The following CDC34 variants were observed in gnomAD, a reference collection of about 807,000 sequenced individuals.
The protein encoded by CDC34 is cell division cycle 34, ubiquitin conjugating enzyme, also known as ubiquitin-conjugating enzyme E2 R1.
Under a neutral mutation model 26.8 loss-of-function variants are expected in CDC34, and 18 were observed. The ratio of observed to expected loss-of-function variants is 0.67; its 90% CI spans 0.47 to 1.00. The LOEUF (loss-of-function observed/expected upper bound fraction) is 1.00, where lower values mean the gene tolerates loss of function less well. CDC34 is among the 50% of genes least tolerant of loss of function. The pLI is 0.00. For synonymous variants in CDC34, 178 were observed against 147.5 expected (o/e 1.21, Z -1.50); for missense variants, 280 against 334.5 (o/e 0.84, Z 1.27).
At chr19:536,957 G>A in intron 3 of CDC34, 56 bp from the exon 4 acceptor site, 3 of 1,609,196 alleles carry the variant, frequency 1.9e-6, no homozygotes, top group Non-Finnish European at 2.5e-6. Context: ...GGCCAGAGAA[G>A]AGCCGGAAGG....
chr19:531,998 G>A lies in CDC34; in HGVS notation c.67G>A (p.Glu23Lys), dbSNP rs1425868708. Residue 23 changes from glutamate to lysine, a missense_variant, in exon 1 of 5, where the codon GAG (glutamate) becomes AAG (lysine). Coordinates refer to ENST00000215574, the MANE Select transcript of CDC34 (RefSeq NM_004359.2). The stretch of plus-strand genomic sequence containing the variant: ...GCTGGAGCTCAAGGGGCTGCAGGAA[G>A]AGCCGGTCGAGGGATTCCGCGTGAC... Reference protein sequence around the residue: ...LLLELKGLQEEPVEGFRVTLV... With the variant: ...LLLELKGLQEKPVEGFRVTLV... The A allele has an allele frequency of 5.3e-6, 8 of 1,500,194 alleles. No individual in the cohort carries two copies. The highest frequency in any genetic ancestry group is 7.1e-6 in the Non-Finnish European group (8 of 1,132,526). The allele number at this position is 1,500,194 out of a possible 1,614,324, so 92.9% of individuals were successfully genotyped here.
At chr19:538,259 T>G (rs943828349) in intron 4 of CDC34, among the ~76,000 whole-genome samples, 3 of 152,248 alleles carry the variant, frequency 2.0e-5, no homozygotes, top group African/African-American at 4.8e-5. Context: ...CTTGGCCTGG[T>G]GAGCTCTGGG....
rs1568330359 is a variant in CDC34 at position 536,235 on chromosome 19, T to C, written c.265-8T>C. On this transcript the variant is annotated splice_polypyrimidine_tract_variant and splice_region_variant and intron_variant, in intron 2 of 4. Coordinates refer to ENST00000215574, the MANE Select transcript of CDC34 (RefSeq NM_004359.2). ...TGACCTGTTCTGACCTGTCTTCTTC[T>C]TGTGCAGACGGGGGACGTGTGTATC... 2.5e-6 allele frequency: 4 copies of C among 1,600,562 alleles called. No homozygotes were observed. Among genetic ancestry groups the C allele is most frequent in the Non-Finnish European group, 3.4e-6 (4 of 1,173,636 alleles).
chr19:536,955 A>T (rs574803051), intron 3 of CDC34, 58 bp from the exon 4 acceptor site: 2 of 1,608,448 alleles, frequency 1.2e-6, no homozygotes, highest in South Asian at 2.2e-5. Context: ...AGGGCCAGAG[A>T]AGAGCCGGAA....
At chr19:534,680 C>CT (rs551566109) in intron 1 of CDC34, among the ~76,000 whole-genome samples, 365 of 12,492 alleles carry the variant, frequency 0.029, 38 homozygotes, top group East Asian at 0.094. Context: ...CCAAGACCCC[C>CT]GAGTGCCCTC....
Position 531,984 on chromosome 19 carries a change from A to AG in CDC34, c.57dup (p.Leu20AlafsTer66). 2 of 1,488,060 alleles carry AG rather than the reference A, an allele frequency of 1.3e-6. No individual in the cohort carries two copies. Among genetic ancestry groups the AG allele is most frequent in the Admixed American group, 2.8e-5 (1 of 35,226 alleles). 92.2% of individuals were successfully genotyped at this position (1,488,060 alleles called of 1,614,324 possible). A position where few individuals can be genotyped will look rare whatever the true frequency, so the allele number is the denominator to read the frequency against. On this transcript the variant is annotated frameshift_variant, in exon 1 of 5. Transcript: ENST00000215574. LOFTEE classifies it high-confidence loss of function. The stretch of plus-strand genomic sequence containing the variant: ...CAGAAGGCGCTGCTGCTGGAGCTCA[A>AG]GGGGCTGCAGGAAGAGCCGGTCGAG...
In CDC34 at chr19:541,379, G is replaced by A. The variant is rs1293891976; in HGVS notation, c.538G>A (p.Gly180Ser). 1.9e-6 allele frequency: 3 copies of A among 1,607,636 alleles called. No homozygotes were observed. The highest frequency in any genetic ancestry group is 2.5e-6 in the Non-Finnish European group (3 of 1,178,498). ...GACCAAGGTGGACGCGGAGCGTGACGGCGTGAAGGTGCCCACCACGCTGGC... is the reference window on the plus strand; with the variant it reads ...GACCAAGGTGGACGCGGAGCGTGACAGCGTGAAGGTGCCCACCACGCTGGC... ...LGTKVDAERD[G>S]VKVPTTLAEY... The change falls in exon 5 of 5, where the codon GGC becomes AGC. Residue 180 changes from glycine (G) to serine (S), a missense_variant. By Grantham distance (56) the Gly-to-Ser change is moderately conservative (BLOSUM62 0). Transcript: ENST00000215574.
chr19:538,905 C>T, intron 4 of CDC34: 1 of 985,280 alleles, frequency 1.0e-6, no homozygotes, highest in Non-Finnish European at 1.2e-6. Flanking sequence ...CTCGGTGGCC[C>T]CGGTCCGGTC....
chr19:536,939 A>AC (rs1979782052), intron 3 of CDC34, 74 bp from the exon 4 acceptor site: 1 of 1,585,058 alleles, frequency 6.3e-7, no homozygotes, highest in Non-Finnish European at 8.6e-7. Flanking sequence ...CGTCCCCGTG[A>AC]CCCTCAGGGC....
At chr19:535,707 C>T (rs1049448637) in intron 1 of CDC34, 130 bp from the exon 2 acceptor site, 2 of 751,512 alleles carry the variant, frequency 2.7e-6, no homozygotes, top group African/African-American at 1.7e-5. Context: ...CTGCCTTGGG[C>T]AGGATACGGT....
chr19:539,231 C>G (rs865956605), intron 4 of CDC34, among the ~76,000 whole-genome samples: 1 of 152,154 alleles, frequency 6.6e-6, no homozygotes, highest in Non-Finnish European at 1.5e-5. Context: ...CGTCCTCCAG[C>G]TCATGCTGGC....
At chr19:535,981 A>T in intron 2 of CDC34, 58 bp downstream of exon 2, 1 of 1,495,930 alleles carries the variant, frequency 6.7e-7, no homozygotes, top group Non-Finnish European at 9.3e-7. Context: ...GGGTGCTGGG[A>T]GCCTCACGTC....
chr19:533,223 G>C (rs1979578282), intron 1 of CDC34, among the ~76,000 whole-genome samples: 1 of 152,012 alleles, frequency 6.6e-6, no homozygotes, highest in African/African-American at 2.4e-5. Flanking sequence ...CCCTGTCCAG[G>C]AATCTCCCCC....
intron 4 of CDC34, among the ~76,000 whole-genome samples, chr19:537,457 A>G (rs1325385072): frequency 6.6e-6 from 1 of 151,132 alleles, no homozygotes; most frequent in Admixed American, 6.6e-5. Context: ...GGTTCACGCC[A>G]TTCTCCTGCC....
intron 4 of CDC34, among the ~76,000 whole-genome samples, chr19:538,171 G>C (rs1037519391): frequency 6.6e-6 from 1 of 152,226 alleles, no homozygotes. Flanking sequence ...AAATGGGGTC[G>C]TGCTGTGTGT....
chr19:533,998 G>A (rs1019442063), intron 1 of CDC34, among the ~76,000 whole-genome samples: 2 of 152,234 alleles, frequency 1.3e-5, no homozygotes, highest in Non-Finnish European at 2.9e-5. Context: ...CTCCACAGCC[G>A]ACTTGCTGTC....
chr19:539,753 G>A (rs16990622), intron 4 of CDC34, among the ~76,000 whole-genome samples: 7,397 of 152,270 alleles, frequency 0.049, 604 homozygotes, highest in African/African-American at 0.17. Context: ...TCAGCGTGCC[G>A]CCTGGCCCTG....
At position 531,980 on chromosome 19, in the gene CDC34, C is replaced by T. The variant is rs1254177049; in HGVS notation, c.49C>T (p.Leu17Phe). Residue 17 changes from leucine to phenylalanine, a missense_variant, in exon 1 of 5, where the codon CTC (leucine) becomes TTC (phenylalanine). Coordinates refer to ENST00000215574, the MANE Select transcript of CDC34 (RefSeq NM_004359.2). ...PSSQKALLLELKGLQEEPVEG... is the reference protein window; with the variant it reads ...PSSQKALLLEFKGLQEEPVEG... Reference sequence around the variant, plus strand: ...CTCGCAGAAGGCGCTGCTGCTGGAGCTCAAGGGGCTGCAGGAAGAGCCGGT... The same window carrying T: ...CTCGCAGAAGGCGCTGCTGCTGGAGTTCAAGGGGCTGCAGGAAGAGCCGGT... 1.3e-6 allele frequency: 2 copies of T among 1,485,742 alleles called. No homozygotes were observed. The highest frequency in any genetic ancestry group is 1.5e-5 in the African/African-American group (1 of 67,324). The allele number at this position is 1,485,742 out of a possible 1,614,324, so 92.0% of individuals were successfully genotyped here. A position where few individuals can be genotyped will look rare whatever the true frequency, so the allele number is the denominator to read the frequency against.
At chr19:540,967 C>T (rs1046750619) in intron 4 of CDC34, among the ~76,000 whole-genome samples, 2 of 152,224 alleles carry the variant, frequency 1.3e-5, no homozygotes, top group Non-Finnish European at 2.9e-5. Context: ...CAGCTGCTTC[C>T]TTTGCTCCTG....
Sources: gnomAD v4.1 joint callset for allele counts (sites outside exome capture counted in the v4.1 genomes callset) on GRCh38, gnomAD v4.1.1 for gene constraint, MANE v1.5 for transcripts, NCBI Gene and HGNC (gene_info 2026-07-23, HGNC 2026-07-21) for gene names.